Variants in NDST4 observed in about 807,000 individuals in gnomAD.
NDST4 encodes N-deacetylase and N-sulfotransferase 4, also known as N-heparan sulfate sulfotransferase 4.
NDST4 carries 63 observed loss-of-function variants against 100.8 expected under a neutral mutation model. The ratio of observed to expected loss-of-function variants is 0.62; its 90% CI spans 0.51 to 0.77. The LOEUF is 0.77. Among genes scored for constraint, NDST4 ranks in the 30% least tolerant of loss-of-function variants. NDST4 has a pLI of 0.00. For missense variants in NDST4, 943 were observed against 1,018.4 expected (o/e 0.93, Z 1.01); for synonymous variants, 377 against 361.8 (o/e 1.04, Z -0.48).
intron 2 of NDST4, among the ~76,000 whole-genome samples, chr4:114,987,274 C>T (rs376969644): frequency 5.3e-5 from 8 of 152,116 alleles, no homozygotes; most frequent in Non-Finnish European, 1.2e-4. Context: ...CCCAAGAATT[C>T]TCAGAAAGGA....
At chr4:114,936,245 G>A (rs1051639410) in intron 5 of NDST4, among the ~76,000 whole-genome samples, 1 of 151,934 alleles carries the variant, frequency 6.6e-6, no homozygotes, top group East Asian at 1.9e-4. Flanking sequence ...ATACCTTCTG[G>A]ATTTCTATGG....
intron 6 of NDST4, among the ~76,000 whole-genome samples, chr4:114,926,122 C>A (rs1168894307): frequency 6.6e-6 from 1 of 151,924 alleles, no homozygotes; most frequent in Non-Finnish European, 1.5e-5. Context: ...GGATGTGGCA[C>A]CAGGGAAATA....
chr4:115,023,485 C>CT (rs1727906219), intron 2 of NDST4, among the ~76,000 whole-genome samples: 2 of 89,602 alleles, frequency 2.2e-5, no homozygotes, highest in African/African-American at 7.6e-5. Context: ...AATTCCATCT[C>CT]AAAAAAAAAA....
intron 1 of NDST4, among the ~76,000 whole-genome samples, chr4:115,101,535 G>A (rs555673272): frequency 2.1e-4 from 32 of 152,166 alleles, no homozygotes; most frequent in Admixed American, 1.8e-3. Flanking sequence ...GGTAGTAGAA[G>A]CTGTACGTAA....
chr4:114,969,301 G>A (rs186345471), intron 4 of NDST4, among the ~76,000 whole-genome samples: 3,255 of 132,174 alleles, frequency 0.025, 133 homozygotes, highest in African/African-American at 0.091. Flanking sequence ...GTGACAGAGC[G>A]AGACTCCGTC....
At position 115,047,677 on chromosome 4, in the gene NDST4, G is replaced by A. The variant is rs550964622; in HGVS notation, c.978+28382C>T. 4.6e-5 allele frequency among the ~76,000 whole-genome samples: 7 copies of A among 152,146 alleles called. No homozygotes were observed. In the East Asian group the frequency reaches 1.2e-3, roughly 25 times the overall value. On this transcript the variant is annotated intron_variant, in intron 2 of 13. Transcript: ENST00000264363. ...TTGAGCTAAAATAAGCCTGATTTGG[G>A]TGGTAAGTTGACATGAAGATTGCCC...
At chr4:114,882,593 T>C (rs1232287640) in intron 6 of NDST4, among the ~76,000 whole-genome samples, 3 of 150,862 alleles carry the variant, frequency 2.0e-5, no homozygotes, top group African/African-American at 7.3e-5. Context: ...AGAAAAAAAA[T>C]AATGAGGAAG....
chr4:115,023,366 T>A (rs1183972595), intron 2 of NDST4, among the ~76,000 whole-genome samples: 1 of 151,338 alleles, frequency 6.6e-6, no homozygotes, highest in Non-Finnish European at 1.5e-5. Flanking sequence ...ATGCCTGTAA[T>A]CCCAGCTAGT....
chr4:115,081,016 T>C (rs1166844174), intron 1 of NDST4, among the ~76,000 whole-genome samples: 1 of 152,132 alleles, frequency 6.6e-6, no homozygotes, highest in Non-Finnish European at 1.5e-5. Flanking sequence ...AAATGTGATT[T>C]TTATTTTTGA....
At chr4:115,049,979 C>T (rs1728549695) in intron 2 of NDST4, among the ~76,000 whole-genome samples, 1 of 152,076 alleles carries the variant, frequency 6.6e-6, no homozygotes, top group African/African-American at 2.4e-5. Flanking sequence ...AGGGTATTGC[C>T]TAAATTCTGT....
chr4:115,093,289 C>T lies in NDST4; in HGVS notation c.-246-16007G>A, dbSNP rs554919595. ...AGGAGATCGAGACTATCCTGGCTAA[C>T]ACGGTGAAACCCCATCTCTACTAAA... On this transcript the variant is annotated intron_variant, in intron 1 of 13. Transcript: ENST00000264363. Among the ~76,000 whole-genome samples the T allele has an allele frequency of 4.6e-5, 7 of 152,092 alleles. No individual in the cohort carries two copies. The South Asian group carries it at 1.2e-3, about 27-fold the overall frequency.
chr4:115,012,226 A>G (rs1727565583), intron 2 of NDST4, among the ~76,000 whole-genome samples: 1 of 152,062 alleles, frequency 6.6e-6, no homozygotes, highest in Non-Finnish European at 1.5e-5. Context: ...TATCATACCT[A>G]TTAAAGCTAG....
intron 6 of NDST4, among the ~76,000 whole-genome samples, chr4:114,933,266 C>T (rs1162319669): frequency 5.3e-5 from 8 of 151,964 alleles, no homozygotes; most frequent in Non-Finnish European, 1.0e-4. Context: ...AACTGAATAT[C>T]CCCATACAGA....
intron 1 of NDST4, among the ~76,000 whole-genome samples, chr4:115,077,744 A>T (rs774468690): frequency 4.6e-5 from 7 of 152,174 alleles, no homozygotes; most frequent in Non-Finnish European, 8.8e-5. Flanking sequence ...AGCTGACTAA[A>T]TAAATCTGTC....
chr4:114,896,660 T>C (rs1186494008), intron 6 of NDST4, among the ~76,000 whole-genome samples: 4 of 151,770 alleles, frequency 2.6e-5, no homozygotes, highest in Non-Finnish European at 4.4e-5. Flanking sequence ...GGTAAAATAC[T>C]GCATTTTAGA....
chr4:114,895,210 GA>G (rs1172440492), intron 6 of NDST4, among the ~76,000 whole-genome samples: 1 of 151,608 alleles, frequency 6.6e-6, no homozygotes, highest in African/African-American at 2.4e-5. Context: ...CTGGGTTTTT[GA>G]AAAAAATTAA....
chr4:114,972,048 A>G (rs1415524416), intron 3 of NDST4, among the ~76,000 whole-genome samples: 1 of 151,872 alleles, frequency 6.6e-6, no homozygotes, highest in Non-Finnish European at 1.5e-5. Context: ...AATTCTATCT[A>G]TTGCTTTGTA....
Position 114,827,835 on chromosome 4 carries a change from T to A in NDST4, c.2600A>T (p.Glu867Val), listed in dbSNP as rs1376671107. Residue 867 changes from glutamate to valine, a missense_variant, in exon 14 of 14, where the codon GAA becomes GTA. Glu to Val is a moderately radical substitution (Grantham distance 121). This residue lies in a region of NDST4 where 526 missense variants were observed against 634.1 expected (regional missense o/e 0.83). Transcript: ENST00000264363. ...GQPLPSWLRQ[E>V]LQKVR is the part of the protein sequence containing the mutation. ...CCAGTGCTATCTCACTTTCTGCAGT[T>A]CCTGTCTCAGCCACGATGGCAGAGG... The A allele has an allele frequency of 1.2e-6, 2 of 1,612,162 alleles. No individual in the cohort carries two copies. The highest frequency in any genetic ancestry group is 3.3e-5 in the Admixed American group (2 of 59,890).
At chr4:114,928,865 T>C (rs1326738748) in intron 6 of NDST4, among the ~76,000 whole-genome samples, 1 of 152,110 alleles carries the variant, frequency 6.6e-6, no homozygotes, top group Non-Finnish European at 1.5e-5. Context: ...TTTCATTGGG[T>C]CTTGAGGCTG....
Sources: allele counts gnomAD v4.1 joint callset (sites outside exome capture counted in the v4.1 genomes callset), GRCh38; gene constraint gnomAD v4.1.1; regional missense constraint gnomAD v4.1.1; transcripts MANE v1.5; gene names NCBI Gene and HGNC (gene_info 2026-07-23, HGNC 2026-07-21).